UROC1: variants seen among roughly 807,000 people sequenced by gnomAD.
The protein encoded by UROC1 is urocanate hydratase.
In UROC1, 79 loss-of-function variants were observed where a neutral mutation model predicts 89.5. The observed-to-expected ratio is 0.88, with a 90% CI of 0.74 to 1.06. UROC1 has a LOEUF of 1.06. Ranked by LOEUF, UROC1 falls within the 50% of genes least tolerant of loss-of-function variation. The probability of loss-of-function intolerance (pLI) is 0.00; values close to 1 mark genes in which losing one functional copy is unlikely to be tolerated. For synonymous variants in UROC1, 361 were observed against 354.8 expected (o/e 1.02, Z -0.20); for missense variants, 885 against 907.8 (o/e 0.97, Z 0.32).
rs1935673629 is a variant in UROC1 at position 126,492,311 on chromosome 3, C to A, written c.1608+107G>T. 1.1e-5 allele frequency: 12 copies of A among 1,111,564 alleles called. No individual in the cohort carries two copies. The South Asian group carries it at 1.5e-4, about 14-fold the overall frequency. 68.9% of individuals were successfully genotyped at this position (1,111,564 alleles called of 1,614,324 possible). On this transcript the variant is annotated intron_variant, in intron 16 of 19. Coordinates refer to ENST00000290868, the MANE Select transcript of UROC1 (RefSeq NM_144639.3). Reference sequence around the variant, plus strand: ...AGGCCCAACGGGGGTGTCTCCCCACCCAGAAGGCTGTGGGGTGCAGCCGAG... The same window carrying A: ...AGGCCCAACGGGGGTGTCTCCCCACACAGAAGGCTGTGGGGTGCAGCCGAG...
chr3:126,508,890 T>C (rs1204429893), intron 3 of UROC1, among the ~76,000 whole-genome samples: 2 of 152,136 alleles, frequency 1.3e-5, no homozygotes, highest in Non-Finnish European at 2.9e-5. Flanking sequence ...CTCTATAGAC[T>C]GGCTCAGGGT....
intron 18 of UROC1, 71 bp downstream of exon 18, chr3:126,488,127 C>G (rs1245012221): frequency 6.4e-7 from 1 of 1,557,218 alleles, no homozygotes; most frequent in Non-Finnish European, 8.9e-7. Flanking sequence ...GAACCTCAGC[C>G]TGGCCCTGCC....
chr3:126,507,817 T>C lies in UROC1; in HGVS notation c.541-14A>G, dbSNP rs375014217. The C allele has an allele frequency of 5.0e-5, 80 of 1,613,854 alleles. No homozygotes were observed. The highest frequency in any genetic ancestry group is 6.7e-5 in the Admixed American group (4 of 59,990). ...GTTGGGAATGACCTGGAGAAGAGGA[T>C]GGGGGCAGACAGAGGGGCTGAGGGC... is the stretch of plus-strand genomic sequence containing the variant. On this transcript the variant is annotated splice_polypyrimidine_tract_variant and intron_variant, in intron 5 of 19. Transcript: ENST00000290868.
At chr3:126,512,468 T>C (rs1375119170) in intron 1 of UROC1, among the ~76,000 whole-genome samples, 2 of 152,206 alleles carry the variant, frequency 1.3e-5, no homozygotes, top group Admixed American at 6.5e-5. Flanking sequence ...CTAATGCCTG[T>C]AATCCCAGCA....
chr3:126,516,636 G>C, intron 1 of UROC1, among the ~76,000 whole-genome samples: 1 of 32,390 alleles, frequency 3.1e-5, no homozygotes, highest in South Asian at 8.5e-4. Context: ...TGCCCCCAGT[G>C]CCCCACTCCC....
At position 126,500,792 on chromosome 3, in the gene UROC1, A is replaced by G. The variant is rs781009916; in HGVS notation, c.1048T>C (p.Phe350Leu). The G allele has an allele frequency of 1.9e-6, 3 of 1,613,916 alleles. No individual in the cohort carries two copies. In the African/African-American group the frequency reaches 4.0e-5, roughly 22 times the overall value. Residue 350 changes from phenylalanine (F) to leucine (L), a missense_variant, in exon 11 of 20, where the codon TTC becomes CTC. Transcript: ENST00000290868. ...TGCACAGGGTAGTAGCCGCCATTGAACGGGTTGTGGCAGGATGTCTGATCT... is the reference window on the plus strand; with the variant it reads ...TGCACAGGGTAGTAGCCGCCATTGAGCGGGTTGTGGCAGGATGTCTGATCT... ...GSDQTSCHNP[F>L]NGGYYPVQLS...
Position 126,508,395 on chromosome 3 carries a change from AG to A in UROC1, c.411+20del, listed in dbSNP as rs769418478. ...AGAGGAAAGGCCAGGGGTGGGGACG[AG>A]GCCACACGGTGTGCAGTACCTGAGC... On this transcript the variant is annotated intron_variant, in intron 4 of 19. Transcript: ENST00000290868. 14 of 1,612,722 alleles carry A rather than the reference AG, an allele frequency of 8.7e-6. No homozygotes were observed. In the East Asian group the frequency reaches 3.1e-4, roughly 36 times the overall value.
chr3:126,511,125 G>A (rs934809024), intron 1 of UROC1, among the ~76,000 whole-genome samples: 5 of 152,104 alleles, frequency 3.3e-5, no homozygotes, highest in African/African-American at 1.2e-4. Context: ...TTGTGGCTAT[G>A]GTGTAGAATG....
chr3:126,487,796 C>G (rs1935549419), intron 18 of UROC1, among the ~76,000 whole-genome samples: 2 of 152,242 alleles, frequency 1.3e-5, no homozygotes, highest in African/African-American at 4.8e-5. Flanking sequence ...CTGGGTTTTG[C>G]ACTCTCAAGT....
chr3:126,493,919 T>A (rs1935714842), intron 15 of UROC1, among the ~76,000 whole-genome samples: 1 of 152,216 alleles, frequency 6.6e-6, no homozygotes, highest in South Asian at 2.1e-4. Context: ...GAAGCAGCTG[T>A]GCACCTGACC....
intron 17 of UROC1, 83 bp from the exon 18 acceptor site, chr3:126,488,362 G>T (rs1168671443): frequency 3.3e-6 from 5 of 1,515,090 alleles, no homozygotes; most frequent in Non-Finnish European, 3.7e-6. Flanking sequence ...CGCTGGCTAA[G>T]CCAGCACTGC....
At chr3:126,513,227 A>G (rs1248567701) in intron 1 of UROC1, among the ~76,000 whole-genome samples, 2 of 151,898 alleles carry the variant, frequency 1.3e-5, no homozygotes, top group African/African-American at 4.8e-5. Flanking sequence ...GCAGTAGCTC[A>G]CTTTTAAACC....
intron 18 of UROC1, among the ~76,000 whole-genome samples, chr3:126,483,788 C>A (rs1935449678): frequency 6.6e-6 from 1 of 152,256 alleles, no homozygotes; most frequent in Non-Finnish European, 1.5e-5. Flanking sequence ...GCTGCCCCCT[C>A]CCTGCATTCT....
chr3:126,510,555 GGTT>G, intron 2 of UROC1, 106 bp downstream of exon 2: 1 of 1,522,322 alleles, frequency 6.6e-7, no homozygotes, highest in Non-Finnish European at 8.9e-7. Context: ...GGACAGACTG[GGTT>G]TCCCCCTCAC....
Position 126,482,459 on chromosome 3 carries a change from G to A in UROC1, c.1917C>T (p.Asn639=), listed in dbSNP as rs538300498. 1 of 1,614,046 alleles carries A rather than the reference G, an allele frequency of 6.2e-7. No individual in the cohort carries two copies. The highest frequency in any genetic ancestry group is 8.5e-7 in the Non-Finnish European group (1 of 1,180,018). The change falls in exon 20 of 20, where the codon AAC becomes AAT. Residue 639 remains asparagine (N), a synonymous_variant. Coordinates refer to ENST00000290868, the MANE Select transcript of UROC1 (RefSeq NM_144639.3). The part of the protein sequence containing the change: ...NGVARRCWSG[N]QKAYEIICQT... ...GGCAGATGATCTCATAGGCCTTCTG[G>A]TTCCCTGACCAGCAGCGCCGGGCCA...
rs1456065493 is a variant in UROC1 at position 126,509,671 on chromosome 3, G to T, written c.265C>A (p.Pro89Thr). The change falls in exon 3 of 20, where the codon CCG becomes ACG. Residue 89 changes from proline (P) to threonine (T), a missense_variant. Transcript: ENST00000290868. ...GTCTGGCAGGGGTACTGCTCAATCG[G>T]GTAGGCCCTGCAAGGGAAAGCCCAA... ...FCPDIEMRAY[P>T]IEQYPCQTKV... is the part of the protein sequence containing the mutation. The T allele has an allele frequency of 6.4e-7, 1 of 1,551,646 alleles. No homozygotes were observed. Among genetic ancestry groups the T allele is most frequent in the Non-Finnish European group, 8.7e-7 (1 of 1,147,082 alleles).
intron 9 of UROC1, among the ~76,000 whole-genome samples, chr3:126,502,437 T>C (rs1190402251): frequency 2.0e-5 from 3 of 152,096 alleles, no homozygotes; most frequent in Non-Finnish European, 1.5e-5. Flanking sequence ...TTTGTGTTTA[T>C]TATGTATATG....
Position 126,493,907 on chromosome 3 carries a change from C to A in UROC1, c.1510-1391G>T, listed in dbSNP as rs985313386. On this transcript the variant is annotated intron_variant, in intron 15 of 19. Transcript: ENST00000290868. ...GGTAAAAGGCAGCAGGGCCGGGCCA[C>A]GGAAGCAGCTGTGCACCTGACCGCA... 6.6e-5 allele frequency among the ~76,000 whole-genome samples: 10 copies of A among 152,174 alleles called. 1 individual carries two copies. Among genetic ancestry groups the A allele is most frequent in the Admixed American group, 6.5e-4 (10 of 15,278 alleles).
At chr3:126,499,287 G>C (rs1428921007) in intron 13 of UROC1, 50 bp downstream of exon 13, 4 of 1,590,344 alleles carry the variant, frequency 2.5e-6, no homozygotes, top group Non-Finnish European at 3.4e-6. Context: ...CCCTGAACGG[G>C]GCAGGGGTGG....
Sources: allele counts gnomAD v4.1 joint callset (sites outside exome capture counted in the v4.1 genomes callset), GRCh38; gene constraint gnomAD v4.1.1; transcripts MANE v1.5; gene names NCBI Gene and HGNC (gene_info 2026-07-23, HGNC 2026-07-21).